The following EP400 variants were observed in gnomAD, a reference collection of about 807,000 sequenced individuals.
EP400 encodes the protein E1A-binding protein p400.
A neutral mutation model predicts 354.1 loss-of-function variants in EP400; 105 were observed. That is an observed-to-expected ratio of 0.30 (90% CI 0.25 to 0.35). The LOEUF (loss-of-function observed/expected upper bound fraction) is 0.35. Among genes scored for constraint, EP400 ranks in the 10% least tolerant of loss-of-function variants. EP400 has a pLI of 1.00. For synonymous variants in EP400, 1,646 were observed against 1,716.9 expected (o/e 0.96, Z 1.02); for missense variants, 3,280 against 4,121.0 (o/e 0.80, Z 5.59).
chr12:131,984,323 G>A (rs1473100310), intron 5 of EP400, among the ~76,000 whole-genome samples: 4 of 152,160 alleles, frequency 2.6e-5, no homozygotes, highest in African/African-American at 4.8e-5. Context: ...TGTGATGAGC[G>A]ATTTATTGGC....
chr12:132,002,360 T>G (rs1014397090), intron 12 of EP400, among the ~76,000 whole-genome samples: 4 of 152,212 alleles, frequency 2.6e-5, no homozygotes, highest in African/African-American at 9.6e-5. Flanking sequence ...TTATTTCATT[T>G]CCTCTTCTCT....
intron 32 of EP400, 50 bp from the exon 33 acceptor site, chr12:132,043,254 C>T (rs1233136606): frequency 2.5e-6 from 4 of 1,570,328 alleles, no homozygotes; most frequent in Admixed American, 2.0e-5. Context: ...TTTCAAACTA[C>T]CCTCATTTAA....
chr12:132,053,270 T>G, intron 42 of EP400, 46 bp downstream of exon 42: 2 of 1,610,230 alleles, frequency 1.2e-6, no homozygotes, highest in Non-Finnish European at 1.7e-6. Context: ...ATGTGGTGAC[T>G]GTGACTTCAT....
chr12:131,952,038 G>A (rs544145707), intron 1 of EP400, among the ~76,000 whole-genome samples: 4 of 151,834 alleles, frequency 2.6e-5, no homozygotes, highest in Admixed American at 6.6e-5. Context: ...TGCCCGCCTC[G>A]GCCTCCCCTT....
At chr12:132,000,113 T>G (rs1308378047) in intron 12 of EP400, among the ~76,000 whole-genome samples, 1 of 152,048 alleles carries the variant, frequency 6.6e-6, no homozygotes, top group Non-Finnish European at 1.5e-5. Flanking sequence ...CATCAGCTCA[T>G]TAATATAAAC....
At chr12:132,031,409 GTTAT>G (rs767841725) in intron 29 of EP400, 5 of 518,674 alleles carry the variant, frequency 9.6e-6, no homozygotes, top group African/African-American at 1.9e-5. Flanking sequence ...CATGGCTGAT[GTTAT>G]TTAAACTGTG....
At chr12:132,074,850 C>G (rs1487942306) in intron 51 of EP400, among the ~76,000 whole-genome samples, 1 of 152,164 alleles carries the variant, frequency 6.6e-6, no homozygotes, top group African/African-American at 2.4e-5. Context: ...TCTCTTGTTT[C>G]CAGGCCTCGC....
intron 1 of EP400, among the ~76,000 whole-genome samples, chr12:131,951,642 C>G (rs1891498635): frequency 6.6e-6 from 1 of 152,166 alleles, no homozygotes; most frequent in African/African-American, 2.4e-5. Context: ...CACTCTGTCT[C>G]CCAGGCTGGA....
At chr12:131,950,714 C>T (rs1891444713) in intron 1 of EP400, among the ~76,000 whole-genome samples, 1 of 152,176 alleles carries the variant, frequency 6.6e-6, no homozygotes, top group East Asian at 1.9e-4. Context: ...GCTCAGCTGT[C>T]GCTGTGTCAG....
At chr12:132,005,305 T>C (rs1893545176) in intron 13 of EP400, 121 bp downstream of exon 13, 1 of 629,476 alleles carries the variant, frequency 1.6e-6, no homozygotes. Flanking sequence ...TTAGAAATAT[T>C]TAATAAGTAT....
chr12:132,038,891 C>T lies in EP400; in HGVS notation c.6207+795C>T, dbSNP rs1479506550. 1.3e-5 allele frequency among the ~76,000 whole-genome samples: 2 copies of T among 152,190 alleles called. No individual in the cohort carries two copies. The highest frequency in any genetic ancestry group is 2.4e-5 in the African/African-American group (1 of 41,444). On this transcript the variant is annotated intron_variant, in intron 32 of 52. Coordinates refer to ENST00000389561, the MANE Select transcript of EP400 (RefSeq NM_015409.5). The surrounding 1 kb of genome is among the most constrained non-coding windows in gnomAD (Gnocchi z 4.2). ...CCTCCAGAACTTGTTGTGGGGTCCC[C>T]GTTTCTGTGCCTCTTACCTTGGAAG...
rs1198575099 is a variant in EP400 at position 132,042,081 on chromosome 12, G to C, written c.6208-1223G>C. 2.6e-5 allele frequency among the ~76,000 whole-genome samples: 4 copies of C among 151,554 alleles called. No individual in the cohort carries two copies. In the East Asian group the frequency reaches 5.8e-4, roughly 22 times the overall value. ...ATCCTCCAGCTCAGCTTCCCAAGTA[G>C]CTGGAATTACAGGTGCATGCCACCA... On this transcript the variant is annotated intron_variant, in intron 32 of 52. Coordinates refer to ENST00000389561, the MANE Select transcript of EP400 (RefSeq NM_015409.5).
chr12:132,069,087 G>A lies in EP400; in HGVS notation c.8875-408G>A, dbSNP rs985683655. 9 of 182,166 alleles carry A rather than the reference G, an allele frequency of 4.9e-5. No individual in the cohort carries two copies. The South Asian group carries it at 6.7e-4, about 14-fold the overall frequency. The allele number at this position is 182,166 out of a possible 1,614,324, so 11.3% of individuals were successfully genotyped here. On this transcript the variant is annotated intron_variant, in intron 50 of 52. Transcript: ENST00000389561. ...ATGGTGCATACCAGTTTGTTACCCC[G>A]TGTACTAAATATTTTCTTTATGTCT...
At chr12:132,065,860 C>T (rs1031804721) in intron 48 of EP400, 5 of 152,260 alleles carry the variant, frequency 3.3e-5, no homozygotes, top group African/African-American at 9.6e-5. Context: ...TCTTGTTGGA[C>T]AGGAATCAGT....
At chr12:132,002,187 A>G (rs369502323) in intron 12 of EP400, among the ~76,000 whole-genome samples, 12 of 152,302 alleles carry the variant, frequency 7.9e-5, no homozygotes, top group South Asian at 6.2e-4. Context: ...TAATGTCCCT[A>G]TGTCTCTAAA....
rs1020975248 is a variant in EP400 at position 132,080,378 on chromosome 12, G to C, written c.*2705G>C. On this transcript the variant is annotated 3_prime_UTR_variant, in exon 53 of 53. Transcript: ENST00000389561. ...AATTGTAAATACTTTGTAAACATCA[G>C]CATTTGTACTTGAATAGTAGGATTT... The C allele has an allele frequency of 6.6e-6, 1 of 152,616 alleles. No homozygotes were observed. The highest frequency in any genetic ancestry group is 1.5e-5 in the Non-Finnish European group (1 of 68,042). The allele number at this position is 152,616 out of a possible 1,614,324, so 9.5% of individuals were successfully genotyped here.
At chr12:132,042,342 C>T (rs1034104296) in intron 32 of EP400, among the ~76,000 whole-genome samples, 4 of 152,206 alleles carry the variant, frequency 2.6e-5, no homozygotes, top group Non-Finnish European at 5.9e-5. Flanking sequence ...CTTTCCCATT[C>T]TGTGGTTTGC....
intron 37 of EP400, 137 bp from the exon 38 acceptor site, chr12:132,045,180 GTC>G (rs35147913): frequency 0.086 from 121,089 of 1,406,164 alleles, 6,402 homozygotes; most frequent in African/African-American, 0.24. Context: ...CCGAAAGCAG[GTC>G]TGTCTTTGGC....
At position 132,078,281 on chromosome 12, in the gene EP400, A is replaced by G. The variant is rs1003380066; in HGVS notation, c.*608A>G. The G allele has an allele frequency of 6.5e-6, 1 of 153,542 alleles. No individual in the cohort carries two copies. Among genetic ancestry groups the G allele is most frequent in the African/African-American group, 2.4e-5 (1 of 41,462 alleles). 9.5% of individuals were successfully genotyped at this position (153,542 alleles called of 1,614,324 possible). A position where few individuals can be genotyped will look rare whatever the true frequency, so the allele number is the denominator to read the frequency against. The stretch of plus-strand genomic sequence containing the variant: ...AAGAGAAATGTTCTGACACCCACCT[A>G]AACACACAAGGCACGTTCCTGGCCT... On this transcript the variant is annotated 3_prime_UTR_variant, in exon 53 of 53. Coordinates refer to ENST00000389561, the MANE Select transcript of EP400 (RefSeq NM_015409.5).
Sources: gnomAD v4.1 joint callset for allele counts (sites outside exome capture counted in the v4.1 genomes callset) on GRCh38, gnomAD v4.1.1 for gene constraint, Gnocchi (gnomAD v3.1) non-coding constraint, MANE v1.5 for transcripts, NCBI Gene and HGNC (gene_info 2026-07-23, HGNC 2026-07-21) for gene names.